ADAM22: variants seen among roughly 807,000 people sequenced by gnomAD.
ADAM22 encodes ADAM metallopeptidase domain 22.
ADAM22 carries 65 observed loss-of-function variants against 144.6 expected under a neutral mutation model. That is an observed-to-expected ratio of 0.45 (90% CI 0.37 to 0.55). The LOEUF (loss-of-function observed/expected upper bound fraction) is 0.55, where lower values mean the gene tolerates loss of function less well. ADAM22 is among the 20% of genes least tolerant of loss of function. The pLI is 0.00. For missense variants in ADAM22, 974 were observed against 1,184.9 expected, an observed-to-expected ratio of 0.82 and a Z score of 2.61; for synonymous variants, 391 against 412.6, an observed-to-expected ratio of 0.95 and a Z score of 0.63.
At chr7:88,060,247 A>T (rs1199039785) in intron 3 of ADAM22, among the ~76,000 whole-genome samples, 1 of 152,154 alleles carries the variant, frequency 6.6e-6, no homozygotes, top group Non-Finnish European at 1.5e-5. Flanking sequence ...GCAATTTCTT[A>T]AAATAACAAT....
chr7:87,981,170 C>T (rs1853314483), intron 3 of ADAM22, among the ~76,000 whole-genome samples: 1 of 152,066 alleles, frequency 6.6e-6, no homozygotes, highest in Admixed American at 6.6e-5. Flanking sequence ...GAGGACCTGA[C>T]AAAAACCACA....
At chr7:88,084,091 T>G (rs896900623) in intron 4 of ADAM22, among the ~76,000 whole-genome samples, 2 of 152,196 alleles carry the variant, frequency 1.3e-5, no homozygotes, top group Non-Finnish European at 2.9e-5. Context: ...TATCTGTGTC[T>G]GTCAGTGGAA....
chr7:87,978,239 T>G, intron 2 of ADAM22, 97 bp from the exon 3 acceptor site: 13 of 925,212 alleles, frequency 1.4e-5, no homozygotes, highest in Non-Finnish European at 2.1e-5. Context: ...TATTTTCTTA[T>G]GATATTGTAA....
intron 11 of ADAM22, chr7:88,131,841 C>G (rs970386191): frequency 3.4e-5 from 6 of 174,630 alleles, no homozygotes; most frequent in Middle Eastern, 2.3e-3. Flanking sequence ...TTTTCTCACT[C>G]TTATGTTCTT....
intron 28 of ADAM22, 81 bp downstream of exon 28, chr7:88,181,686 T>G (rs1847064958): frequency 1.6e-6 from 2 of 1,242,592 alleles, no homozygotes; most frequent in African/African-American, 3.0e-5. Context: ...AGACTTTTAT[T>G]TCTTTGAAGC....
intron 4 of ADAM22, among the ~76,000 whole-genome samples, chr7:88,094,096 G>A (rs1820636734): frequency 6.6e-6 from 1 of 152,140 alleles, no homozygotes; most frequent in Non-Finnish European, 1.5e-5. Context: ...CAGGGATATA[G>A]CTATAAACAA....
At chr7:88,059,627 G>A (rs1563126897) in intron 3 of ADAM22, among the ~76,000 whole-genome samples, 1 of 152,148 alleles carries the variant, frequency 6.6e-6, no homozygotes, top group Admixed American at 6.6e-5. Flanking sequence ...GGCGCTGATC[G>A]ATGGTGGACT....
Position 88,043,728 on chromosome 7 carries a change from G to A in ADAM22, c.324-31898G>A, listed in dbSNP as rs566589017. Reference sequence around the variant, plus strand: ...CTCTTAAAAAAAAAGAGAAGAAAATGTATACTTAAAAATTTATATTTATTT... The same window carrying A: ...CTCTTAAAAAAAAAGAGAAGAAAATATATACTTAAAAATTTATATTTATTT... On this transcript the variant is annotated intron_variant, in intron 3 of 31. Coordinates refer to ENST00000413139, the MANE Select transcript of ADAM22 (RefSeq NM_001324418.2). 3.9e-5 allele frequency among the ~76,000 whole-genome samples: 6 copies of A among 151,922 alleles called. No homozygotes were observed. In the East Asian group the frequency reaches 1.2e-3, roughly 29 times the overall value.
rs567527619 is a variant in ADAM22, at chr7:88,143,895, C to T, written c.1320+770C>T. Among the ~76,000 whole-genome samples, 30 of 152,262 alleles carry T rather than the reference C, an allele frequency of 2.0e-4. 1 individual carries two copies. Among genetic ancestry groups the T allele is most frequent in the Admixed American group, 5.9e-4 (9 of 15,298 alleles). ...GCAAATTGACAATTTTAAGACTCTT[C>T]GAAAGATTGGAAAGAACATTTGAAC... On this transcript the variant is annotated intron_variant, in intron 15 of 31. Transcript: ENST00000413139.
At chr7:87,969,225 A>G (rs780618053) in intron 2 of ADAM22, among the ~76,000 whole-genome samples, 1 of 152,184 alleles carries the variant, frequency 6.6e-6, no homozygotes, top group Non-Finnish European at 1.5e-5. Context: ...ATCTTCCATA[A>G]TAGATCAGTA....
At chr7:88,007,847 T>G (rs1794332618) in intron 3 of ADAM22, among the ~76,000 whole-genome samples, 1 of 152,206 alleles carries the variant, frequency 6.6e-6, no homozygotes, top group African/African-American at 2.4e-5. Flanking sequence ...GGGCAAGGAC[T>G]TCATGTCTAA....
At chr7:88,005,978 A>G (rs560161484) in intron 3 of ADAM22, among the ~76,000 whole-genome samples, 1 of 152,172 alleles carries the variant, frequency 6.6e-6, no homozygotes, top group Non-Finnish European at 1.5e-5. Context: ...GTAATATTTC[A>G]TTATAATTTA....
intron 6 of ADAM22, 89 bp downstream of exon 6, chr7:88,114,736 AT>A: frequency 1.6e-6 from 2 of 1,233,784 alleles, no homozygotes; most frequent in East Asian, 2.5e-5. Context: ...ACTTTATTTC[AT>A]TTTTATATTT....
chr7:88,124,347 A>G (rs564299904), intron 7 of ADAM22, among the ~76,000 whole-genome samples: 3 of 151,988 alleles, frequency 2.0e-5, no homozygotes, highest in South Asian at 4.1e-4. Context: ...GAATCATCCC[A>G]TTTATAATTA....
Position 88,160,939 on chromosome 7 carries a change from G to A in ADAM22, c.1908-2073G>A, listed in dbSNP as rs368172062. Among the ~76,000 whole-genome samples, 8 of 152,078 alleles carry A rather than the reference G, an allele frequency of 5.3e-5. No individual in the cohort carries two copies. The South Asian group carries it at 8.3e-4, about 16-fold the overall frequency. On this transcript the variant is annotated intron_variant, in intron 22 of 31. Coordinates refer to ENST00000413139, the MANE Select transcript of ADAM22 (RefSeq NM_001324418.2). ...TGAGAACACTTGGACACAGGAAGGG[G>A]AGCATCACACACCGGGGCCTGTCAT... is the stretch of plus-strand genomic sequence containing the variant.
intron 4 of ADAM22, among the ~76,000 whole-genome samples, chr7:88,095,617 G>A (rs1452763714): frequency 9.2e-5 from 14 of 152,158 alleles, no homozygotes. Flanking sequence ...GTATTTTAGA[G>A]CCACGTCTGA....
intron 3 of ADAM22, among the ~76,000 whole-genome samples, chr7:88,055,332 G>A (rs1048711299): frequency 5.3e-5 from 8 of 151,546 alleles, no homozygotes; most frequent in Non-Finnish European, 1.2e-4. Flanking sequence ...AGGAAGTAGA[G>A]ATCAGCCTGG....
intron 3 of ADAM22, among the ~76,000 whole-genome samples, chr7:88,028,690 T>C (rs574313294): frequency 5.3e-5 from 8 of 152,030 alleles, no homozygotes; most frequent in African/African-American, 9.6e-5. Context: ...TATATATATA[T>C]ACACATATGT....
chr7:87,946,885 A>G (rs1843805111), intron 2 of ADAM22, among the ~76,000 whole-genome samples: 2 of 152,176 alleles, frequency 1.3e-5, no homozygotes, highest in Admixed American at 1.3e-4. Context: ...AAAAATAATG[A>G]TATTATATCC....
Sources: gnomAD v4.1 joint callset for allele counts (sites outside exome capture counted in the v4.1 genomes callset) on GRCh38, gnomAD v4.1.1 for gene constraint, MANE v1.5 for transcripts, NCBI Gene and HGNC (gene_info 2026-07-23, HGNC 2026-07-21) for gene names.